The following SLC24A3 variants were observed in gnomAD, a reference collection of about 807,000 sequenced individuals.
SLC24A3 encodes the protein sodium/potassium/calcium exchanger 3.
A neutral mutation model predicts 75.8 loss-of-function variants in SLC24A3; 28 were observed. The ratio of observed to expected loss-of-function variants is 0.37; its 90% CI spans 0.27 to 0.51. SLC24A3 has a LOEUF of 0.51. Ranked by LOEUF, SLC24A3 falls within the 20% of genes least tolerant of loss-of-function variation. The pLI is 0.94. For missense variants in SLC24A3, 663 were observed against 847.8 expected (o/e 0.78, Z 2.71); for synonymous variants, 372 against 334.1 (o/e 1.11, Z -1.24).
At chr20:19,690,246 T>A (rs558365993) in intron 12 of SLC24A3, among the ~76,000 whole-genome samples, 1 of 152,334 alleles carries the variant, frequency 6.6e-6, no homozygotes, top group Admixed American at 6.5e-5. Flanking sequence ...AAAGAAAGCA[T>A]ATATGTCATT....
chr20:19,675,248 C>T (rs1428711855), intron 9 of SLC24A3, among the ~76,000 whole-genome samples: 1 of 152,174 alleles, frequency 6.6e-6, no homozygotes, highest in Non-Finnish European at 1.5e-5. Flanking sequence ...TCTAAATTAG[C>T]CCATGTTTCC....
At chr20:19,443,479 T>A in intron 2 of SLC24A3, among the ~76,000 whole-genome samples, 1 of 152,234 alleles carries the variant, frequency 6.6e-6, no homozygotes, top group Admixed American at 6.5e-5. Flanking sequence ...CAATCACTCA[T>A]TGCTGGTAGT....
intron 8 of SLC24A3, among the ~76,000 whole-genome samples, chr20:19,669,394 C>T (rs958912956): frequency 2.6e-5 from 4 of 151,638 alleles, no homozygotes; most frequent in South Asian, 2.1e-4. Flanking sequence ...CCCGGCTGCT[C>T]GGGAGGCTGA....
intron 1 of SLC24A3, among the ~76,000 whole-genome samples, chr20:19,276,015 A>G (rs1291900448): frequency 6.6e-6 from 1 of 152,196 alleles, no homozygotes; most frequent in African/African-American, 2.4e-5. Flanking sequence ...TTTTGTTGAC[A>G]TTGCTCAAGT....
chr20:19,314,968 T>A (rs1344294847), intron 2 of SLC24A3, among the ~76,000 whole-genome samples: 2 of 152,214 alleles, frequency 1.3e-5, no homozygotes, highest in East Asian at 3.9e-4. Context: ...TTGTGGCATT[T>A]GGTCAAAGGC....
intron 1 of SLC24A3, among the ~76,000 whole-genome samples, chr20:19,239,761 C>A (rs547004381): frequency 3.9e-4 from 59 of 152,312 alleles, no homozygotes; most frequent in Non-Finnish European, 1.3e-4. Flanking sequence ...TCAAAGGTCC[C>A]CCTCGATGGC....
At chr20:19,684,127 C>A in intron 10 of SLC24A3, 49 bp from the exon 11 acceptor site, 1 of 1,584,334 alleles carries the variant, frequency 6.3e-7, no homozygotes, top group Non-Finnish European at 8.6e-7. Context: ...TGCCTCTTTC[C>A]TGCTCCTGGC....
intron 2 of SLC24A3, among the ~76,000 whole-genome samples, chr20:19,303,252 T>C (rs1317000862): frequency 1.3e-5 from 2 of 152,162 alleles, no homozygotes; most frequent in Non-Finnish European, 1.5e-5. Context: ...TAAGTGAGAA[T>C]ATGCAGTATT....
At chr20:19,400,976 A>G (rs1986541628) in intron 2 of SLC24A3, among the ~76,000 whole-genome samples, 1 of 152,142 alleles carries the variant, frequency 6.6e-6, no homozygotes, top group East Asian at 1.9e-4. Flanking sequence ...CAAATATTTA[A>G]ATCCCAGTTC....
intron 6 of SLC24A3, among the ~76,000 whole-genome samples, chr20:19,609,179 C>G (rs1054400131): frequency 6.6e-6 from 1 of 152,122 alleles, no homozygotes; most frequent in Non-Finnish European, 1.5e-5. Flanking sequence ...CCCAAACTCT[C>G]TTTATGACCA....
intron 2 of SLC24A3, among the ~76,000 whole-genome samples, chr20:19,364,357 C>T (rs756858484): frequency 8.5e-5 from 13 of 152,212 alleles, no homozygotes; most frequent in Middle Eastern, 3.4e-3. Flanking sequence ...CTGGGATCTC[C>T]GTTGATCTCA....
chr20:19,385,404 C>T (rs1291713884), intron 2 of SLC24A3, among the ~76,000 whole-genome samples: 4 of 152,112 alleles, frequency 2.6e-5, no homozygotes, highest in Non-Finnish European at 4.4e-5. Context: ...CTGTTCTTTC[C>T]CCGTTGTGTG....
intron 6 of SLC24A3, among the ~76,000 whole-genome samples, chr20:19,593,652 C>T (rs111489740): frequency 0.081 from 12,386 of 152,242 alleles, 697 homozygotes; most frequent in African/African-American, 0.15. Context: ...AGGGATACAG[C>T]TAAACAACAC....
chr20:19,588,743 T>C (rs939012079), intron 6 of SLC24A3, among the ~76,000 whole-genome samples: 4 of 152,260 alleles, frequency 2.6e-5, no homozygotes, highest in Non-Finnish European at 4.4e-5. Flanking sequence ...GTACGTTGTA[T>C]TGAAGGGACT....
chr20:19,298,627 A>C (rs1008565110), intron 2 of SLC24A3, among the ~76,000 whole-genome samples: 2 of 152,026 alleles, frequency 1.3e-5, no homozygotes, highest in African/African-American at 4.8e-5. Context: ...AAGAAAGAAA[A>C]AGAAAAAAAA....
intron 15 of SLC24A3, among the ~76,000 whole-genome samples, chr20:19,715,749 G>C (rs2033039121): frequency 6.6e-6 from 1 of 152,146 alleles, no homozygotes; most frequent in Admixed American, 6.5e-5. Flanking sequence ...CTTAAACCCT[G>C]TCAGAAGGGC....
chr20:19,420,290 C>T (rs1267095355), intron 2 of SLC24A3, among the ~76,000 whole-genome samples: 11 of 56,464 alleles, frequency 1.9e-4, no homozygotes, highest in Non-Finnish European at 3.2e-4. Flanking sequence ...AATAAACATA[C>T]GTGTGCATGT....
intron 6 of SLC24A3, among the ~76,000 whole-genome samples, chr20:19,627,025 C>G (rs2031874814): frequency 6.6e-6 from 1 of 152,208 alleles, no homozygotes; most frequent in African/African-American, 2.4e-5. Context: ...GGCTGACCTA[C>G]TGGAGATCTG....
At chr20:19,545,656 C>T (rs927203205) in intron 3 of SLC24A3, among the ~76,000 whole-genome samples, 1 of 152,148 alleles carries the variant, frequency 6.6e-6, no homozygotes, top group Non-Finnish European at 1.5e-5. Flanking sequence ...AGACCACCTG[C>T]CCCCCACTGG....
Sources: gnomAD v4.1 joint callset for allele counts (sites outside exome capture counted in the v4.1 genomes callset) on GRCh38, gnomAD v4.1.1 for gene constraint, MANE v1.5 for transcripts, NCBI Gene and HGNC (gene_info 2026-07-23, HGNC 2026-07-21) for gene names.